NTM: variants seen among roughly 807,000 people sequenced by gnomAD.
NTM encodes IgLON family member 2.
In NTM, 13 loss-of-function variants were observed where a neutral mutation model predicts 42.1. The ratio of observed to expected loss-of-function variants is 0.31; its 90% confidence interval spans 0.20 to 0.49. NTM has a LOEUF of 0.49. NTM is among the 20% of genes least tolerant of loss of function. The pLI is 0.99. For missense variants in NTM, 373 were observed against 452.8 expected, an observed-to-expected ratio of 0.82 and a Z score of 1.60; for synonymous variants, 187 against 179.2, an observed-to-expected ratio of 1.04 and a Z score of -0.35.
intron 2 of NTM, among the ~76,000 whole-genome samples, chr11:132,022,189 G>A (rs898807069): frequency 3.3e-5 from 5 of 152,190 alleles, no homozygotes; most frequent in African/African-American, 9.7e-5. Context: ...ATACCACAGA[G>A]CCCCACAGTT....
At chr11:131,632,108 C>T (rs1237569793) in intron 1 of NTM, among the ~76,000 whole-genome samples, 1 of 152,140 alleles carries the variant, frequency 6.6e-6, no homozygotes, top group Non-Finnish European at 1.5e-5. Flanking sequence ...ATTTCAAGGC[C>T]ATTCTTCTGT....
rs1011277676 is a variant in NTM, at chr11:132,003,113, A to G, written c.167+91465A>G. 6.6e-6 allele frequency among the ~76,000 whole-genome samples: 1 copy of G among 152,124 alleles called. No homozygotes were observed. The highest frequency in any genetic ancestry group is 6.5e-5 in the Admixed American group (1 of 15,268). On this transcript the variant is annotated intron_variant, in intron 2 of 8. Coordinates refer to ENST00000683400, the MANE Select transcript of NTM (RefSeq NM_001352005.2). The surrounding 1 kb of genome is among the most constrained non-coding windows in gnomAD (Gnocchi z 6.0). ...TGTGTGTAATTGACTTTTATAGTCAATTCTGCTTATATTTCCTCCTTCACC... is the reference window on the plus strand; with the variant it reads ...TGTGTGTAATTGACTTTTATAGTCAGTTCTGCTTATATTTCCTCCTTCACC...
chr11:132,304,992 C>T (rs1329823180), intron 4 of NTM, among the ~76,000 whole-genome samples: 1 of 152,204 alleles, frequency 6.6e-6, no homozygotes, highest in Non-Finnish European at 1.5e-5. Context: ...AGCCACCCAA[C>T]GTCCTTTCCT....
intron 2 of NTM, among the ~76,000 whole-genome samples, chr11:132,113,511 C>T (rs2063497224): frequency 6.6e-6 from 1 of 152,162 alleles, no homozygotes. Context: ...GGATGGAAGA[C>T]CCCGACAGCT....
chr11:131,794,868 A>G (rs1039211069), intron 1 of NTM: 2 of 985,262 alleles, frequency 2.0e-6, no homozygotes, highest in African/African-American at 3.5e-5. Context: ...AACGGCCTCC[A>G]CAGAGAATAT....
chr11:131,762,413 G>A (rs1205662549), intron 1 of NTM, among the ~76,000 whole-genome samples: 1 of 152,240 alleles, frequency 6.6e-6, no homozygotes, highest in Non-Finnish European at 1.5e-5. Flanking sequence ...TGACGACAGA[G>A]GGTTTGAGTT....
intron 1 of NTM, among the ~76,000 whole-genome samples, chr11:131,599,787 C>A (rs927976987): frequency 6.6e-6 from 1 of 152,122 alleles, no homozygotes; most frequent in Non-Finnish European, 1.5e-5. Context: ...GAAAGGCTTC[C>A]CAGAGAAGTC....
At chr11:131,839,608 T>C (rs1000907074) in intron 1 of NTM, among the ~76,000 whole-genome samples, 4 of 152,144 alleles carry the variant, frequency 2.6e-5, no homozygotes, top group African/African-American at 4.8e-5. Context: ...AGGAGACTTA[T>C]AGGTCACCAT....
At chr11:131,611,099 A>G (rs1055239037) in intron 1 of NTM, among the ~76,000 whole-genome samples, 2 of 152,086 alleles carry the variant, frequency 1.3e-5, no homozygotes, top group African/African-American at 4.8e-5. Flanking sequence ...TTCAACATCC[A>G]TCTCTGAGTG....
Position 131,577,740 on chromosome 11 carries a change from T to C in NTM, c.82+206852T>C, listed in dbSNP as rs752131062. On this transcript the variant is annotated intron_variant, in intron 1 of 8. Coordinates refer to ENST00000683400, the MANE Select transcript of NTM (RefSeq NM_001352005.2). ...CTTCAAAACCAATGCTCTAAAGCCA[T>C]GGAATTTTCTTCAGACTCTTACAGT... Among the ~76,000 whole-genome samples, 8 of 152,212 alleles carry C rather than the reference T, an allele frequency of 5.3e-5. No homozygotes were observed. The East Asian group carries it at 9.6e-4, about 18-fold the overall frequency.
At chr11:131,868,704 G>A (rs1048579836) in intron 1 of NTM, among the ~76,000 whole-genome samples, 4 of 152,062 alleles carry the variant, frequency 2.6e-5, no homozygotes, top group South Asian at 2.1e-4. Flanking sequence ...ATTTGTCCTC[G>A]TCGTATTTTA....
intron 1 of NTM, among the ~76,000 whole-genome samples, chr11:131,659,994 C>T (rs966707177): frequency 6.6e-6 from 1 of 152,198 alleles, no homozygotes; most frequent in Non-Finnish European, 1.5e-5. Context: ...GTGAAGGATC[C>T]GCTACATAGC....
chr11:131,512,421 C>A (rs565101900), intron 1 of NTM, among the ~76,000 whole-genome samples: 3 of 152,292 alleles, frequency 2.0e-5, no homozygotes, highest in East Asian at 3.9e-4. Context: ...GGGCTGTCCT[C>A]AAACCAGAGC....
chr11:132,311,054 A>G (rs1005195507), intron 6 of NTM, among the ~76,000 whole-genome samples: 1 of 152,136 alleles, frequency 6.6e-6, no homozygotes, highest in Non-Finnish European at 1.5e-5. Flanking sequence ...GTGGAGTAAG[A>G]GCAAGGAGTG....
chr11:132,069,267 A>G (rs12277055), intron 2 of NTM, among the ~76,000 whole-genome samples: 43,242 of 114,972 alleles, frequency 0.38, 8,949 homozygotes, highest in African/African-American at 0.47. Context: ...ACCATCACAG[A>G]TTAGTTAACA....
intron 4 of NTM, among the ~76,000 whole-genome samples, chr11:132,290,930 G>T (rs185329507): frequency 1.3e-5 from 2 of 152,074 alleles, no homozygotes; most frequent in African/African-American, 4.8e-5. Flanking sequence ...ATAAGATGAC[G>T]TTCTTCTAGA....
intron 1 of NTM, among the ~76,000 whole-genome samples, chr11:131,564,452 G>C (rs1254313106): frequency 1.6e-5 from 2 of 125,798 alleles, no homozygotes; most frequent in East Asian, 5.6e-4. Context: ...GGGGGAGAGA[G>C]AGAGGGAGGG....
chr11:132,331,338 T>C (rs1283253039), intron 8 of NTM, among the ~76,000 whole-genome samples: 4 of 152,222 alleles, frequency 2.6e-5, no homozygotes, highest in Non-Finnish European at 5.9e-5. Flanking sequence ...CTAACTGACA[T>C]GGCTTTGCTT....
intron 1 of NTM, among the ~76,000 whole-genome samples, chr11:131,453,682 G>A (rs1261824309): frequency 3.3e-5 from 5 of 152,216 alleles, no homozygotes; most frequent in African/African-American, 2.4e-5. Flanking sequence ...TGCAATCTAA[G>A]TGAAAGGGAA....
Sources: allele counts gnomAD v4.1 joint callset (sites outside exome capture counted in the v4.1 genomes callset), GRCh38; gene constraint gnomAD v4.1.1; non-coding constraint Gnocchi (gnomAD v3.1); transcripts MANE v1.5; gene names NCBI Gene and HGNC (gene_info 2026-07-23, HGNC 2026-07-21).